The following SLC2A13 variants were observed in gnomAD, a reference collection of about 807,000 sequenced individuals.
SLC2A13 encodes the protein proton myo-inositol cotransporter.
SLC2A13 carries 32 observed loss-of-function variants against 64.4 expected under a neutral mutation model. The ratio of observed to expected loss-of-function variants is 0.50; its 90% CI spans 0.37 to 0.67. The LOEUF (loss-of-function observed/expected upper bound fraction) is 0.67, where lower values mean the gene tolerates loss of function less well. Ranked by LOEUF, SLC2A13 falls within the 30% of genes least tolerant of loss-of-function variation. SLC2A13 has a pLI of 0.00. For synonymous variants in SLC2A13, 338 were observed against 327.1 expected (o/e 1.03, Z -0.36); for missense variants, 743 against 829.2 (o/e 0.90, Z 1.28).
intron 1 of SLC2A13, among the ~76,000 whole-genome samples, chr12:40,056,227 A>G (rs1370868235): frequency 2.0e-5 from 3 of 151,994 alleles, no homozygotes; most frequent in Non-Finnish European, 4.4e-5. Context: ...ACTGGAAATA[A>G]GTTCTGCTTT....
In SLC2A13 at chr12:39,817,160, G is replaced by C. The variant is rs186956768; in HGVS notation, c.1445+12943C>G. Among the ~76,000 whole-genome samples, 336 of 152,322 alleles carry C rather than the reference G, an allele frequency of 2.2e-3. 1 individual carries two copies. Among genetic ancestry groups the C allele is most frequent in the African/African-American group, 7.2e-3 (299 of 41,574 alleles). ...TAAGAGTGAATAGTATTGGGAAAAA[G>C]TGTACTAATTTCTTTGAACATCTCT... On this transcript the variant is annotated intron_variant, in intron 7 of 9. Coordinates refer to ENST00000280871, the MANE Select transcript of SLC2A13 (RefSeq NM_052885.4).
chr12:39,796,676 C>T (rs1172823046), intron 7 of SLC2A13, among the ~76,000 whole-genome samples: 3 of 152,096 alleles, frequency 2.0e-5, no homozygotes, highest in African/African-American at 7.2e-5. Flanking sequence ...GTACAGCCAG[C>T]AAACCTCCTA....
chr12:40,090,268 A>G (rs1257665704), intron 1 of SLC2A13, among the ~76,000 whole-genome samples: 2 of 152,142 alleles, frequency 1.3e-5, no homozygotes, highest in Non-Finnish European at 2.9e-5. Context: ...ATCTTCATTA[A>G]TAATATTTTA....
chr12:40,067,278 T>G (rs1236406979), intron 1 of SLC2A13, among the ~76,000 whole-genome samples: 1 of 152,182 alleles, frequency 6.6e-6, no homozygotes, highest in Non-Finnish European at 1.5e-5. Flanking sequence ...CACAGGTCAC[T>G]GCAGCCTTGA....
chr12:40,004,059 T>G (rs1947366707), intron 3 of SLC2A13, among the ~76,000 whole-genome samples: 1 of 152,000 alleles, frequency 6.6e-6, no homozygotes, highest in Non-Finnish European at 1.5e-5. Context: ...AAATACAAAT[T>G]TAAAAAAAGA....
chr12:39,906,510 G>A (rs567146117), intron 4 of SLC2A13, among the ~76,000 whole-genome samples: 1 of 151,834 alleles, frequency 6.6e-6, no homozygotes, highest in Non-Finnish European at 1.5e-5. Flanking sequence ...TATGAAACTT[G>A]AAAAAAACAG....
intron 4 of SLC2A13, among the ~76,000 whole-genome samples, chr12:39,926,314 A>G (rs534776897): frequency 6.6e-6 from 1 of 152,310 alleles, no homozygotes; most frequent in African/African-American, 2.4e-5. Flanking sequence ...AACATCTTAC[A>G]TACAAATCTC....
chr12:39,804,484 CA>C (rs1382998504), intron 7 of SLC2A13, among the ~76,000 whole-genome samples: 1 of 152,058 alleles, frequency 6.6e-6, no homozygotes, highest in Admixed American at 6.5e-5. Context: ...CTGTCAAAAC[CA>C]ATTTATTTAC....
intron 1 of SLC2A13, among the ~76,000 whole-genome samples, chr12:40,101,598 T>A (rs990009755): frequency 3.9e-5 from 6 of 152,232 alleles, no homozygotes; most frequent in Non-Finnish European, 8.8e-5. Flanking sequence ...ATTCAAGAGA[T>A]GTTAAATCTG....
intron 3 of SLC2A13, among the ~76,000 whole-genome samples, chr12:39,965,151 G>C (rs1381437963): frequency 6.6e-6 from 1 of 152,084 alleles, no homozygotes; most frequent in Non-Finnish European, 1.5e-5. Context: ...TGAAAAATCT[G>C]TTAAGAGCAA....
intron 3 of SLC2A13, among the ~76,000 whole-genome samples, chr12:39,974,165 T>C (rs1434067046): frequency 6.6e-6 from 1 of 152,242 alleles, no homozygotes; most frequent in African/African-American, 2.4e-5. Context: ...AACAAATATA[T>C]GAGTTAGTGT....
chr12:39,994,182 G>A (rs1947186037), intron 3 of SLC2A13, among the ~76,000 whole-genome samples: 1 of 152,014 alleles, frequency 6.6e-6, no homozygotes, highest in Non-Finnish European at 1.5e-5. Context: ...GAGGTCAGGA[G>A]ATCGAGACCA....
chr12:40,052,858 A>G (rs1167630778), intron 1 of SLC2A13, among the ~76,000 whole-genome samples: 4 of 152,136 alleles, frequency 2.6e-5, no homozygotes, highest in African/African-American at 7.2e-5. Flanking sequence ...GAATCCTGAA[A>G]CAGTCCAACA....
intron 4 of SLC2A13, among the ~76,000 whole-genome samples, chr12:39,873,512 A>C (rs1354014760): frequency 1.3e-5 from 2 of 152,248 alleles, no homozygotes; most frequent in Non-Finnish European, 2.9e-5. Flanking sequence ...GAAATATTGA[A>C]AGAAAATTCA....
At chr12:39,914,586 A>G (rs770827695) in intron 4 of SLC2A13, among the ~76,000 whole-genome samples, 30 of 151,976 alleles carry the variant, frequency 2.0e-4, no homozygotes, top group Non-Finnish European at 3.8e-4. Flanking sequence ...AAACCCATAT[A>G]TTAGGTTGGT....
At chr12:39,827,776 T>C (rs1054035905) in intron 7 of SLC2A13, among the ~76,000 whole-genome samples, 2 of 152,214 alleles carry the variant, frequency 1.3e-5, no homozygotes, top group Admixed American at 6.5e-5. Context: ...ACTAATCTCA[T>C]AGTTGATTAT....
intron 4 of SLC2A13, among the ~76,000 whole-genome samples, chr12:39,920,526 T>C (rs1945596852): frequency 6.6e-6 from 1 of 152,100 alleles, no homozygotes; most frequent in African/African-American, 2.4e-5. Context: ...AATAGTATAG[T>C]AGAGCATATC....
intron 3 of SLC2A13, among the ~76,000 whole-genome samples, chr12:40,022,564 T>A (rs1388925882): frequency 6.6e-6 from 1 of 152,208 alleles, no homozygotes; most frequent in African/African-American, 2.4e-5. Context: ...AGGCCGGGTG[T>A]TGTGGCTCAT....
At chr12:39,882,911 T>C (rs113565302) in intron 4 of SLC2A13, among the ~76,000 whole-genome samples, 121 of 152,344 alleles carry the variant, frequency 7.9e-4, no homozygotes, top group African/African-American at 2.8e-3. Flanking sequence ...TCTATCATAT[T>C]TCTATAAACT....
Sources: allele counts gnomAD v4.1 joint callset (sites outside exome capture counted in the v4.1 genomes callset), GRCh38; gene constraint gnomAD v4.1.1; transcripts MANE v1.5; gene names NCBI Gene and HGNC (gene_info 2026-07-23, HGNC 2026-07-21).